ARHGAP15: variants seen among roughly 807,000 people sequenced by gnomAD.
ARHGAP15 encodes the protein Rho GTPase activating protein 15, also known as rho GTPase-activating protein 15.
ARHGAP15 carries 51 observed loss-of-function variants against 63.7 expected under a neutral mutation model. That is an observed-to-expected ratio of 0.80 (90% CI 0.64 to 1.01). The LOEUF is 1.01. ARHGAP15 is among the 50% of genes least tolerant of loss of function. ARHGAP15 has a pLI of 0.00. For missense variants in ARHGAP15, 560 were observed against 564.6 expected, an observed-to-expected ratio of 0.99 and a Z score of 0.08; for synonymous variants, 191 against 193.8, an observed-to-expected ratio of 0.99 and a Z score of 0.12.
At chr2:143,661,822 A>G (rs1681801522) in intron 12 of ARHGAP15, among the ~76,000 whole-genome samples, 1 of 152,188 alleles carries the variant, frequency 6.6e-6, no homozygotes, top group Admixed American at 6.5e-5. Flanking sequence ...CGCACCTGGA[A>G]AATCGGGTCA....
In ARHGAP15 at chr2:143,604,129, G is replaced by T. The variant is rs543585631; in HGVS notation, c.1004-20004G>T. ...ATTTAACATTTAAGGTTAGGCTGAA[G>T]ACAGCCACAGATCCTCAGGCTCAAA... On this transcript the variant is annotated intron_variant, in intron 11 of 13. Coordinates refer to ENST00000295095, the MANE Select transcript of ARHGAP15 (RefSeq NM_018460.4). 2.6e-5 allele frequency among the ~76,000 whole-genome samples: 4 copies of T among 152,334 alleles called. No individual in the cohort carries two copies. The South Asian group carries it at 8.3e-4, about 32-fold the overall frequency.
chr2:143,264,716 A>C lies in ARHGAP15; in HGVS notation c.474+14116A>C, dbSNP rs553079935. On this transcript the variant is annotated intron_variant, in intron 6 of 13. Transcript: ENST00000295095. The stretch of plus-strand genomic sequence containing the variant: ...TAAATATTGGGCCGGTTTGTTACAG[A>C]GCAATAGCTAATTGATACAAGTAAT... 9.9e-5 allele frequency among the ~76,000 whole-genome samples: 15 copies of C among 152,272 alleles called. No individual in the cohort carries two copies. In the East Asian group the frequency reaches 2.9e-3, roughly 29 times the overall value.
intron 13 of ARHGAP15, among the ~76,000 whole-genome samples, chr2:143,713,018 A>T (rs1307940552): frequency 6.6e-6 from 1 of 152,222 alleles, no homozygotes; most frequent in Non-Finnish European, 1.5e-5. Flanking sequence ...TTTGTTGAAC[A>T]AATGGAATCG....
intron 6 of ARHGAP15, among the ~76,000 whole-genome samples, chr2:143,328,502 A>G (rs1202415114): frequency 1.3e-5 from 2 of 152,068 alleles, no homozygotes; most frequent in Non-Finnish European, 2.9e-5. Flanking sequence ...AAAACCAAAC[A>G]CTGCATGTTC....
chr2:143,179,246 G>A (rs1022171735), intron 2 of ARHGAP15, among the ~76,000 whole-genome samples: 1 of 152,194 alleles, frequency 6.6e-6, no homozygotes, highest in African/African-American at 2.4e-5. Flanking sequence ...TCTAGGAAGA[G>A]TCCCTATATT....
chr2:143,583,733 C>T (rs1279736060), intron 11 of ARHGAP15, among the ~76,000 whole-genome samples: 11 of 152,130 alleles, frequency 7.2e-5, no homozygotes, highest in Non-Finnish European at 1.5e-5. Flanking sequence ...TGTGAACTGA[C>T]AAACAACTAC....
intron 8 of ARHGAP15, 45 bp from the exon 9 acceptor site, chr2:143,487,328 A>G (rs768428615): frequency 5.1e-6 from 8 of 1,577,004 alleles, no homozygotes; most frequent in Non-Finnish European, 6.8e-6. Flanking sequence ...TAATAATCAT[A>G]AAGGAGAAAT....
At chr2:143,605,889 A>T (rs545097632) in intron 11 of ARHGAP15, among the ~76,000 whole-genome samples, 1 of 145,952 alleles carries the variant, frequency 6.9e-6, no homozygotes. Flanking sequence ...AAAAAAAATT[A>T]GCCAGGCATA....
intron 6 of ARHGAP15, among the ~76,000 whole-genome samples, chr2:143,263,480 G>A (rs1464325404): frequency 6.6e-6 from 1 of 152,094 alleles, no homozygotes; most frequent in Non-Finnish European, 1.5e-5. Flanking sequence ...AGGTAGCCTT[G>A]GGGAGAAAAA....
At chr2:143,676,203 A>C (rs917539383) in intron 12 of ARHGAP15, 1 of 152,444 alleles carries the variant, frequency 6.6e-6, no homozygotes, top group East Asian at 1.9e-4. Flanking sequence ...GCTATGGATT[A>C]TGCTTTGGCT....
chr2:143,553,727 G>A (rs1695670774), intron 10 of ARHGAP15, among the ~76,000 whole-genome samples: 3 of 152,126 alleles, frequency 2.0e-5, no homozygotes, highest in African/African-American at 7.2e-5. Flanking sequence ...TTAAAAAATT[G>A]TTTACAGAAA....
At chr2:143,685,931 A>G (rs1225681848) in intron 12 of ARHGAP15, among the ~76,000 whole-genome samples, 1 of 152,172 alleles carries the variant, frequency 6.6e-6, no homozygotes, top group Non-Finnish European at 1.5e-5. Flanking sequence ...CTCTCTTGAG[A>G]AGCTGATGTT....
At chr2:143,159,022 G>A (rs1051386990) in intron 2 of ARHGAP15, among the ~76,000 whole-genome samples, 1 of 151,896 alleles carries the variant, frequency 6.6e-6, no homozygotes. Context: ...GGCAAGAGTA[G>A]TTTCGGCATT....
chr2:143,368,614 C>T (rs960564221), intron 6 of ARHGAP15, among the ~76,000 whole-genome samples: 2 of 151,818 alleles, frequency 1.3e-5, no homozygotes, highest in African/African-American at 4.8e-5. Flanking sequence ...ATAATAATAT[C>T]AATGAGACAG....
intron 1 of ARHGAP15, among the ~76,000 whole-genome samples, chr2:143,133,742 T>C (rs1282504118): frequency 1.3e-5 from 2 of 152,184 alleles, no homozygotes; most frequent in African/African-American, 4.8e-5. Flanking sequence ...CTATTTCTTA[T>C]ATTTTTATTT....
At chr2:143,701,766 G>A (rs1684099917) in intron 12 of ARHGAP15, among the ~76,000 whole-genome samples, 1 of 151,922 alleles carries the variant, frequency 6.6e-6, no homozygotes, top group African/African-American at 2.4e-5. Context: ...AGACAGTGCA[G>A]GACTAGTATG....
intron 5 of ARHGAP15, among the ~76,000 whole-genome samples, chr2:143,241,346 A>C (rs1178022303): frequency 1.3e-5 from 2 of 152,230 alleles, no homozygotes; most frequent in African/African-American, 2.4e-5. Flanking sequence ...TCTCAACTGC[A>C]ATATGACATT....
At chr2:143,713,947 C>G (rs971450393) in intron 13 of ARHGAP15, among the ~76,000 whole-genome samples, 9 of 152,176 alleles carry the variant, frequency 5.9e-5, no homozygotes, top group African/African-American at 2.2e-4. Flanking sequence ...TCTAGACAGA[C>G]AGTGTAAGCT....
intron 13 of ARHGAP15, among the ~76,000 whole-genome samples, chr2:143,723,348 GGCTGGGGCTGAAGGAGGAT>G (rs1333223260): frequency 2.0e-5 from 3 of 152,172 alleles, no homozygotes; most frequent in African/African-American, 4.8e-5. Context: ...TGAAGGAGGA[GGCTGGGGCTGAAGGAGGAT>G]GCTGGAGCAA....
Sources: allele counts gnomAD v4.1 joint callset (sites outside exome capture counted in the v4.1 genomes callset), GRCh38; gene constraint gnomAD v4.1.1; transcripts MANE v1.5; gene names NCBI Gene and HGNC (gene_info 2026-07-23, HGNC 2026-07-21).